EXOC6B: variants seen among roughly 807,000 people sequenced by gnomAD.
EXOC6B encodes SEC15 homolog B.
Under a neutral mutation model 113.5 loss-of-function variants are expected in EXOC6B, and 54 were observed. The observed-to-expected ratio is 0.48, with a 90% CI of 0.38 to 0.60. The LOEUF is 0.60. Among genes scored for constraint, EXOC6B ranks in the 20% least tolerant of loss-of-function variants. The pLI is 0.00. For missense variants in EXOC6B, 797 were observed against 977.5 expected, an observed-to-expected ratio of 0.82 and a Z score of 2.46; for synonymous variants, 357 against 339.0, an observed-to-expected ratio of 1.05 and a Z score of -0.58.
intron 6 of EXOC6B, among the ~76,000 whole-genome samples, chr2:72,683,830 T>C (rs1463593144): frequency 1.3e-5 from 2 of 152,212 alleles, no homozygotes; most frequent in East Asian, 1.9e-4. Context: ...TGTCATTTAG[T>C]TTATCATTCC....
intron 20 of EXOC6B, among the ~76,000 whole-genome samples, chr2:72,265,809 G>A (rs1478762120): frequency 1.3e-5 from 2 of 152,176 alleles, no homozygotes; most frequent in Non-Finnish European, 2.9e-5. Flanking sequence ...TCTAGTTTTA[G>A]ATCCCTGAGG....
At chr2:72,219,016 C>G (rs1274269077) in intron 20 of EXOC6B, among the ~76,000 whole-genome samples, 1 of 151,256 alleles carries the variant, frequency 6.6e-6, no homozygotes, top group Non-Finnish European at 1.5e-5. Context: ...AAATAACAAC[C>G]AATGTCTTAG....
intron 20 of EXOC6B, among the ~76,000 whole-genome samples, chr2:72,295,203 C>A (rs1245452508): frequency 6.8e-6 from 1 of 146,358 alleles, no homozygotes; most frequent in African/African-American, 2.6e-5. Context: ...TACACTCCAG[C>A]CTGGCAATAG....
At chr2:72,709,450 A>G (rs1482594191) in intron 6 of EXOC6B, among the ~76,000 whole-genome samples, 1 of 152,152 alleles carries the variant, frequency 6.6e-6, no homozygotes, top group African/African-American at 2.4e-5. Context: ...ACTTGGCTTC[A>G]CTACATTCTG....
At chr2:72,257,307 A>C (rs1159127743) in intron 20 of EXOC6B, among the ~76,000 whole-genome samples, 1 of 152,220 alleles carries the variant, frequency 6.6e-6, no homozygotes, top group Non-Finnish European at 1.5e-5. Flanking sequence ...TGACTAAATA[A>C]GTTAAAACAA....
chr2:72,200,592 C>T (rs1419073840), intron 20 of EXOC6B, among the ~76,000 whole-genome samples: 1 of 152,130 alleles, frequency 6.6e-6, no homozygotes, highest in Non-Finnish European at 1.5e-5. Context: ...TTGTAGAGAA[C>T]TGTACTATTA....
intron 6 of EXOC6B, among the ~76,000 whole-genome samples, chr2:72,695,478 G>GTT (rs1013321938): frequency 1.3e-5 from 2 of 151,158 alleles, no homozygotes; most frequent in Non-Finnish European, 3.0e-5. Flanking sequence ...ATTCTTTAAG[G>GTT]TTTTTTTTTG....
At chr2:72,402,064 T>G (rs866538391) in intron 18 of EXOC6B, among the ~76,000 whole-genome samples, 19 of 151,738 alleles carry the variant, frequency 1.3e-4, no homozygotes, top group African/African-American at 3.9e-4. Context: ...TAGCAAAATT[T>G]TAAGAATTTG....
chr2:72,607,638 A>G (rs1039265598), intron 6 of EXOC6B, among the ~76,000 whole-genome samples: 1 of 152,178 alleles, frequency 6.6e-6, no homozygotes, highest in Admixed American at 6.6e-5. Context: ...TCACTGATCT[A>G]TACACAGAAA....
chr2:72,553,695 GA>G (rs1420278029), intron 8 of EXOC6B, among the ~76,000 whole-genome samples: 1 of 151,840 alleles, frequency 6.6e-6, no homozygotes, highest in African/African-American at 2.4e-5. Flanking sequence ...TCATCATATG[GA>G]AAAAAATAAA....
intron 20 of EXOC6B, among the ~76,000 whole-genome samples, chr2:72,189,494 G>A (rs1275752811): frequency 6.6e-6 from 1 of 152,084 alleles, no homozygotes; most frequent in Admixed American, 6.5e-5. Flanking sequence ...TGGTTATTAT[G>A]TTTTCCTTTG....
At chr2:72,187,442 T>G (rs528159984) in intron 20 of EXOC6B, among the ~76,000 whole-genome samples, 1 of 151,780 alleles carries the variant, frequency 6.6e-6, no homozygotes, top group African/African-American at 2.4e-5. Context: ...AAGCAGAGGA[T>G]GAGAAAAATG....
intron 1 of EXOC6B, among the ~76,000 whole-genome samples, chr2:72,743,039 T>C (rs778905244): frequency 1.7e-4 from 26 of 152,156 alleles, no homozygotes; most frequent in Admixed American, 1.3e-4. Flanking sequence ...AGGCACACTA[T>C]ACAATTGCCC....
chr2:72,706,566 G>C (rs949872040), intron 6 of EXOC6B, among the ~76,000 whole-genome samples: 2 of 151,978 alleles, frequency 1.3e-5, no homozygotes, highest in Admixed American at 1.3e-4. Flanking sequence ...TTAGAGACAG[G>C]GTCTCACTAT....
At chr2:72,244,662 A>G (rs1682542760) in intron 20 of EXOC6B, among the ~76,000 whole-genome samples, 2 of 152,102 alleles carry the variant, frequency 1.3e-5, no homozygotes, top group Admixed American at 1.3e-4. Flanking sequence ...CAGGCTATCT[A>G]AGAAGAAAAG....
chr2:72,710,963 A>G (rs1679238372), intron 6 of EXOC6B, among the ~76,000 whole-genome samples: 1 of 152,196 alleles, frequency 6.6e-6, no homozygotes, highest in Admixed American at 6.5e-5. Flanking sequence ...AAGTAAATAA[A>G]TCCTTCCCCT....
intron 5 of EXOC6B, among the ~76,000 whole-genome samples, chr2:72,720,584 CCAAAAAAATTA>C (rs1401081213): frequency 1.3e-5 from 2 of 151,844 alleles, no homozygotes; most frequent in Non-Finnish European, 2.9e-5. Flanking sequence ...CTCATCTCTA[CCAAAAAAATTA>C]CAAAAAAATT....
At chr2:72,350,395 C>A (rs558325763) in intron 19 of EXOC6B, among the ~76,000 whole-genome samples, 1 of 152,234 alleles carries the variant, frequency 6.6e-6, no homozygotes, top group Admixed American at 6.5e-5. Context: ...GATCTAACAT[C>A]CAGGCTAAAT....
chr2:72,620,164 C>G (rs1033171386), intron 6 of EXOC6B, among the ~76,000 whole-genome samples: 1 of 152,222 alleles, frequency 6.6e-6, no homozygotes, highest in African/African-American at 2.4e-5. Context: ...ATATGGGCAG[C>G]CTCTGCAGCC....
Sources: allele counts gnomAD v4.1 joint callset (sites outside exome capture counted in the v4.1 genomes callset), GRCh38; gene constraint gnomAD v4.1.1; transcripts MANE v1.5; gene names NCBI Gene and HGNC (gene_info 2026-07-23, HGNC 2026-07-21).